The following PRKN variants were observed in gnomAD, a reference collection of about 807,000 sequenced individuals.
PRKN encodes the protein E3 ubiquitin-protein ligase parkin.
In PRKN, 56 loss-of-function variants were observed where a neutral mutation model predicts 59.5. The ratio of observed to expected loss-of-function variants is 0.94; its 90% CI spans 0.76 to 1.18. PRKN has a LOEUF of 1.18. Ranked by LOEUF, PRKN falls within the 50% of genes most tolerant of loss-of-function variation. PRKN has a pLI of 0.00. For synonymous variants in PRKN, 250 were observed against 222.1 expected (o/e 1.13, Z -1.12); for missense variants, 657 against 596.4 (o/e 1.10, Z -1.06).
chr6:161,360,040 C>A lies in PRKN; in HGVS notation c.1285+48G>T. 7.4e-7 allele frequency: 1 copy of A among 1,354,972 alleles called. No individual in the cohort carries two copies. The highest frequency in any genetic ancestry group is 1.2e-5 in the South Asian group (1 of 86,028). 83.9% of individuals were successfully genotyped at this position (1,354,972 alleles called of 1,614,324 possible). ...GGAATCCCTGATGGGTATGATTCTC[C>A]CCCAAAGAGCACACGACATCCTCAT... On this transcript the variant is annotated intron_variant, in intron 11 of 11. Coordinates refer to ENST00000366898, the MANE Select transcript of PRKN (RefSeq NM_004562.3). The surrounding 1 kb of genome is among the most constrained non-coding windows in gnomAD (Gnocchi z 5.1).
intron 2 of PRKN, chr6:162,265,227 T>A (rs1309087596): frequency 6.6e-6 from 1 of 152,160 alleles, no homozygotes; most frequent in Admixed American, 6.5e-5. Flanking sequence ...TGTGGCAGAT[T>A]AAACTATTCT....
At chr6:162,345,483 C>G (rs1035179332) in intron 2 of PRKN, among the ~76,000 whole-genome samples, 1 of 152,152 alleles carries the variant, frequency 6.6e-6, no homozygotes, top group Non-Finnish European at 1.5e-5. Flanking sequence ...ACTGATTGTT[C>G]GTAATTCAAG....
intron 2 of PRKN, among the ~76,000 whole-genome samples, chr6:162,361,326 G>T (rs1051654567): frequency 1.3e-5 from 2 of 152,092 alleles, no homozygotes; most frequent in Non-Finnish European, 2.9e-5. Flanking sequence ...TTGGAGGTAG[G>T]GCCTTTCGAA....
Position 161,461,388 on chromosome 6 carries a change from T to C in PRKN, c.1084-74511A>G, listed in dbSNP as rs1790216057. Among the ~76,000 whole-genome samples the C allele has an allele frequency of 6.6e-6, 1 of 151,906 alleles. No individual in the cohort carries two copies. The highest frequency in any genetic ancestry group is 1.5e-5 in the Non-Finnish European group (1 of 67,980). On this transcript the variant is annotated intron_variant, in intron 9 of 11. Coordinates refer to ENST00000366898, the MANE Select transcript of PRKN (RefSeq NM_004562.3). This position sits in a 1 kb window ranked among gnomAD's most constrained non-coding sequence, Gnocchi z 5.1. ...AGTAGATGGTCTTAAGGAGCTGAGGTTTTTAAGCTCTAGGGAATCACTTTA... is the reference window on the plus strand; with the variant it reads ...AGTAGATGGTCTTAAGGAGCTGAGGCTTTTAAGCTCTAGGGAATCACTTTA...
chr6:161,722,206 G>T (rs911638795), intron 7 of PRKN, among the ~76,000 whole-genome samples: 1 of 151,718 alleles, frequency 6.6e-6, no homozygotes, highest in Non-Finnish European at 1.5e-5. Flanking sequence ...GAAAATTCGG[G>T]GGGAAAAGCA....
chr6:161,739,117 G>A (rs1788084788), intron 7 of PRKN, among the ~76,000 whole-genome samples: 1 of 152,048 alleles, frequency 6.6e-6, no homozygotes, highest in Admixed American at 6.5e-5. Flanking sequence ...AAGTGGAGAG[G>A]GGCAGGGCGG....
intron 7 of PRKN, among the ~76,000 whole-genome samples, chr6:161,570,146 A>AAAAAAAAAAT (rs869285771): frequency 2.6e-5 from 2 of 76,588 alleles, no homozygotes; most frequent in African/African-American, 1.4e-4. Flanking sequence ...AAAAAAAAAA[A>AAAAAAAAAAT]ATATATATAT....
intron 6 of PRKN, among the ~76,000 whole-genome samples, chr6:161,936,965 T>C (rs1011021377): frequency 2.6e-5 from 4 of 152,086 alleles, no homozygotes; most frequent in Non-Finnish European, 4.4e-5. Context: ...TTTGTATTTT[T>C]AGTAGAGACA....
intron 1 of PRKN, among the ~76,000 whole-genome samples, chr6:162,585,581 T>G (rs59148695): frequency 6.6e-6 from 1 of 152,330 alleles, no homozygotes; most frequent in East Asian, 1.9e-4. Context: ...GTTATTTACA[T>G]GCGTACATAT....
intron 5 of PRKN, among the ~76,000 whole-genome samples, chr6:162,028,373 G>A (rs1355359425): frequency 6.6e-6 from 1 of 152,174 alleles, no homozygotes; most frequent in Non-Finnish European, 1.5e-5. Flanking sequence ...CAAAGTGAAA[G>A]CAAAGTCTGT....
intron 1 of PRKN, among the ~76,000 whole-genome samples, chr6:162,635,456 CTT>C (rs1214670079): frequency 6.6e-6 from 1 of 152,134 alleles, no homozygotes; most frequent in East Asian, 1.9e-4. Context: ...TCAAATTTGA[CTT>C]TGCTTGATTT....
intron 1 of PRKN, among the ~76,000 whole-genome samples, chr6:162,466,148 C>T (rs1013901564): frequency 1.3e-5 from 2 of 152,090 alleles, no homozygotes; most frequent in Non-Finnish European, 2.9e-5. Context: ...CAGCTACTAC[C>T]TTTTTTGATG....
At chr6:162,457,746 A>AT (rs78931963) in intron 1 of PRKN, among the ~76,000 whole-genome samples, 25,886 of 152,040 alleles carry the variant, frequency 0.17, 2,393 homozygotes, top group East Asian at 0.36. Context: ...ATGATGAAGT[A>AT]TTTTTTTATA....
intron 1 of PRKN, among the ~76,000 whole-genome samples, chr6:162,596,675 T>G (rs1781506463): frequency 6.6e-6 from 1 of 152,210 alleles, no homozygotes; most frequent in Non-Finnish European, 1.5e-5. Flanking sequence ...AAATCAGGTA[T>G]CTGACTATCC....
intron 6 of PRKN, among the ~76,000 whole-genome samples, chr6:161,950,855 G>GCGA (rs893346134): frequency 2.6e-5 from 4 of 151,696 alleles, no homozygotes; most frequent in African/African-American, 9.7e-5. Flanking sequence ...AAAGCCTCAG[G>GCGA]CGAAGGGCTA....
At chr6:161,630,451 A>G (rs1049325400) in intron 7 of PRKN, among the ~76,000 whole-genome samples, 4 of 152,206 alleles carry the variant, frequency 2.6e-5, no homozygotes, top group African/African-American at 9.7e-5. Context: ...TCATAATAGA[A>G]TTTCAGAACT....
chr6:161,897,424 A>G (rs1375720719), intron 6 of PRKN, among the ~76,000 whole-genome samples: 2 of 152,166 alleles, frequency 1.3e-5, no homozygotes, highest in Non-Finnish European at 2.9e-5. Flanking sequence ...TCTAATCCAA[A>G]AAATAGCTGC....
intron 7 of PRKN, among the ~76,000 whole-genome samples, chr6:161,693,988 G>A (rs1421286746): frequency 6.6e-6 from 1 of 152,162 alleles, no homozygotes; most frequent in Non-Finnish European, 1.5e-5. Flanking sequence ...CTTCAGTGAA[G>A]GACATCCTCA....
At chr6:162,543,801 C>A (rs964000095) in intron 1 of PRKN, among the ~76,000 whole-genome samples, 1 of 152,074 alleles carries the variant, frequency 6.6e-6, no homozygotes, top group African/African-American at 2.4e-5. Flanking sequence ...TAGCCTCAAT[C>A]CTGTTATTGC....
Sources: gnomAD v4.1 joint callset for allele counts (sites outside exome capture counted in the v4.1 genomes callset) on GRCh38, gnomAD v4.1.1 for gene constraint, Gnocchi (gnomAD v3.1) non-coding constraint, MANE v1.5 for transcripts, NCBI Gene and HGNC (gene_info 2026-07-23, HGNC 2026-07-21) for gene names.